TXLNB: variants seen among roughly 807,000 people sequenced by gnomAD.
The protein encoded by TXLNB is taxilin beta, also known as beta-taxilin.
In TXLNB, 37 loss-of-function variants were observed where a neutral mutation model predicts 57.4. The observed-to-expected ratio is 0.64, with a 90% CI of 0.50 to 0.85. The LOEUF (loss-of-function observed/expected upper bound fraction) is 0.85, where lower values mean the gene tolerates loss of function less well. Among genes scored for constraint, TXLNB ranks in the 40% least tolerant of loss-of-function variants. TXLNB has a pLI of 0.00. For synonymous variants in TXLNB, 302 were observed against 309.6 expected, an observed-to-expected ratio of 0.98 and a Z score of 0.26; for missense variants, 848 against 825.6, an observed-to-expected ratio of 1.03 and a Z score of -0.33.
At chr6:139,166,728 T>TC in the TXLNB span, 1 of 1,609,136 alleles carries the variant, frequency 6.2e-7, no homozygotes, top group South Asian at 1.1e-5. Flanking sequence ...AGCCACGACC[T>TC]CCCCCGCCGG....
the TXLNB span, among the ~76,000 whole-genome samples, chr6:139,196,250 C>T: frequency 6.6e-6 from 1 of 151,322 alleles, no homozygotes; most frequent in East Asian, 2.0e-4. Flanking sequence ...GTGTTTGGAA[C>T]ATGAGAGTTT....
the TXLNB span, among the ~76,000 whole-genome samples, chr6:139,188,105 A>C: frequency 6.6e-6 from 1 of 152,170 alleles, no homozygotes; most frequent in Non-Finnish European, 1.5e-5. Context: ...AAAGCTTCCC[A>C]GGGGCCTTCT....
chr6:139,314,901 C>A, the TXLNB span, among the ~76,000 whole-genome samples: 1 of 152,170 alleles, frequency 6.6e-6, no homozygotes, highest in African/African-American at 2.4e-5. Flanking sequence ...GCTAACAGCC[C>A]TTTCCCGAAA....
the TXLNB span, among the ~76,000 whole-genome samples, chr6:139,203,359 C>T: frequency 6.6e-6 from 1 of 152,164 alleles, no homozygotes; most frequent in African/African-American, 2.4e-5. Flanking sequence ...TAGTGCTTCA[C>T]CTACTGCAAT....
the TXLNB span, among the ~76,000 whole-genome samples, chr6:139,167,547 G>A: frequency 6.6e-6 from 1 of 152,154 alleles, no homozygotes; most frequent in African/African-American, 2.4e-5. Context: ...AATTTTGTGT[G>A]TTCTGTAATT....
chr6:139,242,563 C>A lies in TXLNB; in HGVS notation c.2018G>T (p.Arg673Leu). ...TTCCAGATTGGTGTCAGCCACGTTGCGCGGCTGGGGCCCAGCTGAGGCCCC... is the reference window on the plus strand; with the variant it reads ...TTCCAGATTGGTGTCAGCCACGTTGAGCGGCTGGGGCCCAGCTGAGGCCCC... ...PVGASAGPQPRNVADTNLEGV... is the reference protein window; with the variant it reads ...PVGASAGPQPLNVADTNLEGV... The change falls in exon 10 of 10, where the codon CGC becomes CTC. Residue 673 changes from arginine to leucine, a missense_variant. Transcript: ENST00000358430. 6.6e-7 allele frequency: 1 copy of A among 1,515,408 alleles called. No homozygotes were observed. The highest frequency in any genetic ancestry group is 1.4e-5 in the African/African-American group (1 of 71,378). The allele number at this position is 1,515,408 out of a possible 1,614,324, so 93.9% of individuals were successfully genotyped here. A position where few individuals can be genotyped will look rare whatever the true frequency, so the allele number is the denominator to read the frequency against.
At chr6:139,235,650 G>A (rs1218639462), downstream of TXLNB, among the ~76,000 whole-genome samples, 1 of 152,004 alleles carries the variant, frequency 6.6e-6, no homozygotes, top group Non-Finnish European at 1.5e-5. Context: ...ATGGGGGCAG[G>A]GAAGTGCTGG....
downstream of TXLNB, chr6:139,238,942 TTTC>T (rs2114394361): frequency 6.6e-6 from 1 of 152,360 alleles, no homozygotes; most frequent in South Asian, 2.1e-4. Flanking sequence ...GCCTCTCCTG[TTTC>T]TTGTTGGTCT....
the TXLNB span, among the ~76,000 whole-genome samples, chr6:139,231,176 C>A: frequency 6.6e-6 from 1 of 152,206 alleles, no homozygotes; most frequent in African/African-American, 2.4e-5. Context: ...AACCCCCATT[C>A]TCTAGCAAGA....
At chr6:139,319,798 G>T in the TXLNB span, among the ~76,000 whole-genome samples, 1 of 151,858 alleles carries the variant, frequency 6.6e-6, no homozygotes, top group African/African-American at 2.4e-5. Context: ...AGCAACATGA[G>T]AACAAGTAAA....
chr6:139,213,954 AATAAC>A, the TXLNB span, among the ~76,000 whole-genome samples: 2 of 152,238 alleles, frequency 1.3e-5, no homozygotes, highest in Non-Finnish European at 2.9e-5. Flanking sequence ...TGAATAGACC[AATAAC>A]AGGCTCTGAA....
chr6:139,174,321 C>T, the TXLNB span: 2 of 1,513,086 alleles, frequency 1.3e-6, no homozygotes, highest in Non-Finnish European at 1.8e-6. Context: ...ACATTTTTAT[C>T]TCCTTGGAGA....
At chr6:139,299,593 C>A in the TXLNB span, among the ~76,000 whole-genome samples, 5 of 152,082 alleles carry the variant, frequency 3.3e-5, no homozygotes, top group African/African-American at 1.2e-4. Context: ...TCTGCAGAAT[C>A]TTGGTGAGGG....
intron 4 of TXLNB, among the ~76,000 whole-genome samples, chr6:139,267,800 A>G (rs1175964997): frequency 2.0e-5 from 3 of 152,202 alleles, no homozygotes; most frequent in Non-Finnish European, 2.9e-5. Flanking sequence ...CAGGCAAACA[A>G]TAAGAGTAAG....
intron 6 of TXLNB, among the ~76,000 whole-genome samples, chr6:139,256,752 G>A (rs1776354586): frequency 1.3e-5 from 2 of 152,234 alleles, no homozygotes; most frequent in South Asian, 4.1e-4. Flanking sequence ...CTGACACAGA[G>A]CTTCTAACAT....
the TXLNB span, among the ~76,000 whole-genome samples, chr6:139,302,425 T>G: frequency 1.3e-5 from 2 of 150,842 alleles, no homozygotes; most frequent in Admixed American, 1.3e-4. Flanking sequence ...ATCTAGTGGG[T>G]TTTCTATAAT....
chr6:139,218,343 G>A, the TXLNB span, among the ~76,000 whole-genome samples: 3 of 152,196 alleles, frequency 2.0e-5, no homozygotes, highest in Non-Finnish European at 4.4e-5. Context: ...ACATAGATGA[G>A]TTTGTGAATA....
the TXLNB span, among the ~76,000 whole-genome samples, chr6:139,215,513 C>A: frequency 6.6e-6 from 1 of 152,238 alleles, no homozygotes; most frequent in South Asian, 2.1e-4. Context: ...GACCTAAAAC[C>A]ATAAAAACCC....
In TXLNB at chr6:139,285,612, G is replaced by GGT. The variant is rs540577751; in HGVS notation, c.424+2862_424+2863dup. Among the ~76,000 whole-genome samples the GGT allele has an allele frequency of 9.0e-5, 13 of 144,984 alleles. 2 individuals carry two copies. In the East Asian group the frequency reaches 2.6e-3, roughly 29 times the overall value. On this transcript the variant is annotated intron_variant, in intron 2 of 9. Coordinates refer to ENST00000358430, the MANE Select transcript of TXLNB (RefSeq NM_153235.4). ...AGTTCTTTTAATTTTATCCTAGTTG[G>GGT]GTGAAGTATGCTACCTGAATGTATT... is the stretch of plus-strand genomic sequence containing the variant.
Sources: allele counts gnomAD v4.1 joint callset (sites outside exome capture counted in the v4.1 genomes callset), GRCh38; gene constraint gnomAD v4.1.1; transcripts MANE v1.5; gene names NCBI Gene and HGNC (gene_info 2026-07-23, HGNC 2026-07-21).